NUBPL: variants seen among roughly 807,000 people sequenced by gnomAD.
NUBPL encodes iron-sulfur cluster transfer protein NUBPL.
In NUBPL, 31 loss-of-function variants were observed where a neutral mutation model predicts 45.7. That is an observed-to-expected ratio of 0.68 (90% CI 0.51 to 0.92). The LOEUF is 0.92. Among genes scored for constraint, NUBPL ranks in the 40% least tolerant of loss-of-function variants. The pLI is 0.00. For synonymous variants in NUBPL, 144 were observed against 140.9 expected, an observed-to-expected ratio of 1.02 and a Z score of -0.15; for missense variants, 401 against 398.7, an observed-to-expected ratio of 1.01 and a Z score of -0.05.
At chr14:31,613,300 G>T (rs570352450) in intron 4 of NUBPL, among the ~76,000 whole-genome samples, 21 of 152,306 alleles carry the variant, frequency 1.4e-4, no homozygotes, top group Non-Finnish European at 2.4e-4. Flanking sequence ...GGCTGGGAAG[G>T]GTAGTAGGGG....
chr14:31,711,237 A>T lies in NUBPL; in HGVS notation c.513+37663A>T, dbSNP rs374254557. ...TTGGCTCGGCCCAGAAGTACAGGAA[A>T]AGTGGAAGCTGGTTCTAGGCAAACC... On this transcript the variant is annotated intron_variant, in intron 6 of 10. Transcript: ENST00000281081. Among the ~76,000 whole-genome samples the T allele has an allele frequency of 8.5e-5, 13 of 152,260 alleles. 1 individual carries two copies. The highest frequency in any genetic ancestry group is 3.1e-4 in the African/African-American group (13 of 41,574).
Position 31,656,577 on chromosome 14 carries a change from G to GGA in NUBPL, c.383-16763_383-16762dup, listed in dbSNP as rs931833928. On this transcript the variant is annotated intron_variant, in intron 4 of 10. Transcript: ENST00000281081. ...TGTCTGAAGGAATAGGGAGGCCTGA[G>GGA]GAGAGAGAGAGAGAGATAGGGGGAT... Among the ~76,000 whole-genome samples the GGA allele has an allele frequency of 2.4e-3, 365 of 151,628 alleles. 2 individuals are homozygous for GGA. Among genetic ancestry groups the GGA allele is most frequent in the African/African-American group, 8.6e-3 (355 of 41,402 alleles).
chr14:31,749,972 A>C (rs572285728), intron 6 of NUBPL, among the ~76,000 whole-genome samples: 1 of 152,000 alleles, frequency 6.6e-6, no homozygotes, highest in African/African-American at 2.4e-5. Context: ...TCTTCTGATG[A>C]TCTATTCTAT....
At chr14:31,842,438 T>G (rs968654186) in intron 8 of NUBPL, among the ~76,000 whole-genome samples, 11 of 152,148 alleles carry the variant, frequency 7.2e-5, no homozygotes, top group African/African-American at 2.7e-4. Context: ...TATCAAAACC[T>G]CTGACTTTCA....
intron 7 of NUBPL, among the ~76,000 whole-genome samples, chr14:31,824,812 T>G (rs1380599571): frequency 6.6e-6 from 1 of 152,182 alleles, no homozygotes; most frequent in Non-Finnish European, 1.5e-5. Context: ...TTGATACCAA[T>G]TTAACAGTTT....
chr14:31,601,507 C>T (rs561888028), intron 4 of NUBPL, among the ~76,000 whole-genome samples: 2 of 152,160 alleles, frequency 1.3e-5, no homozygotes, highest in South Asian at 4.2e-4. Flanking sequence ...ATTTTATTCT[C>T]CAGAATCTAC....
At chr14:31,853,065 C>CTGTTG (rs1218449185) in intron 10 of NUBPL, among the ~76,000 whole-genome samples, 77 of 110,960 alleles carry the variant, frequency 6.9e-4, no homozygotes, top group African/African-American at 1.5e-3. Flanking sequence ...TAGACTGATA[C>CTGTTG]TGTTGTGTTG....
At chr14:31,803,046 T>C (rs957968353) in intron 7 of NUBPL, among the ~76,000 whole-genome samples, 2 of 152,250 alleles carry the variant, frequency 1.3e-5, no homozygotes, top group Non-Finnish European at 2.9e-5. Context: ...CATCAGCAGT[T>C]TACTTAATCA....
chr14:31,815,011 G>A (rs2138921942), intron 7 of NUBPL, among the ~76,000 whole-genome samples: 1 of 152,220 alleles, frequency 6.6e-6, no homozygotes, highest in East Asian at 1.9e-4. Context: ...GATTGTCTTG[G>A]CTATATGGGC....
At chr14:31,640,260 C>G (rs1439075367) in intron 4 of NUBPL, among the ~76,000 whole-genome samples, 1 of 152,110 alleles carries the variant, frequency 6.6e-6, no homozygotes, top group Non-Finnish European at 1.5e-5. Context: ...CTTTACACTA[C>G]TTTACTTCTT....
intron 4 of NUBPL, among the ~76,000 whole-genome samples, chr14:31,619,394 A>G (rs889964049): frequency 1.3e-5 from 2 of 152,148 alleles, no homozygotes; most frequent in African/African-American, 4.8e-5. Flanking sequence ...GGCCTTTACA[A>G]TTTGGCATGT....
rs1424212848 is a variant in NUBPL at position 31,756,338 on chromosome 14, A to C, written c.514-31442A>C. Among the ~76,000 whole-genome samples, 6 of 152,070 alleles carry C rather than the reference A, an allele frequency of 3.9e-5. No homozygotes were observed. The East Asian group carries it at 1.2e-3, about 29-fold the overall frequency. On this transcript the variant is annotated intron_variant, in intron 6 of 10. Coordinates refer to ENST00000281081, the MANE Select transcript of NUBPL (RefSeq NM_025152.3). The stretch of plus-strand genomic sequence containing the variant: ...TGATTCTTCCTACCCATGAGCATGG[A>C]ATGTTCTTCCATTTGTTTGTATCCT...
chr14:31,664,844 C>T (rs369779221), intron 4 of NUBPL, among the ~76,000 whole-genome samples: 7 of 152,080 alleles, frequency 4.6e-5, no homozygotes, highest in South Asian at 2.1e-4. Context: ...TGGTAGAGTT[C>T]GTCTGTGAAT....
chr14:31,613,515 G>A (rs910062300), intron 4 of NUBPL, among the ~76,000 whole-genome samples: 1 of 151,678 alleles, frequency 6.6e-6, no homozygotes, highest in Non-Finnish European at 1.5e-5. Context: ...GCAGTGGTGC[G>A]ATCTCAGGTC....
rs137938999 is a variant in NUBPL at position 31,663,973 on chromosome 14, C to T, written c.383-9382C>T. On this transcript the variant is annotated intron_variant, in intron 4 of 10. Coordinates refer to ENST00000281081, the MANE Select transcript of NUBPL (RefSeq NM_025152.3). ...TTCACGTCCCTTGTAAGTTGTATTC[C>T]TGGGTATTTTATGTTCTTTATAGCA... Among the ~76,000 whole-genome samples, 239 of 152,140 alleles carry T rather than the reference C, an allele frequency of 1.6e-3. 2 individuals carry two copies. The East Asian group carries it at 0.037, about 24-fold the overall frequency.
At chr14:31,651,780 T>C (rs1162506479) in intron 4 of NUBPL, among the ~76,000 whole-genome samples, 1 of 151,488 alleles carries the variant, frequency 6.6e-6, no homozygotes, top group Non-Finnish European at 1.5e-5. Context: ...GTGCCTATAG[T>C]CCCAGCTACT....
intron 7 of NUBPL, among the ~76,000 whole-genome samples, chr14:31,819,853 A>G (rs2039984614): frequency 6.6e-6 from 1 of 152,022 alleles, no homozygotes; most frequent in South Asian, 2.1e-4. Flanking sequence ...TGGACAGAGA[A>G]TTCTTGGCCA....
rs372965856 is a variant in NUBPL, at chr14:31,738,425, ATGACT to A, written c.514-49354_514-49350del. On this transcript the variant is annotated intron_variant, in intron 6 of 10. Transcript: ENST00000281081. ...CTGTGAACCTAGATCTCAGATACAT[ATGACT>A]GGGGACTCTTGACAGTTCCTTTTCT... 3.3e-5 allele frequency among the ~76,000 whole-genome samples: 5 copies of A among 152,302 alleles called. No homozygotes were observed. In the East Asian group the frequency reaches 9.6e-4, roughly 29 times the overall value.
chr14:31,781,421 A>G (rs935289991), intron 6 of NUBPL, among the ~76,000 whole-genome samples: 2 of 152,214 alleles, frequency 1.3e-5, no homozygotes, highest in African/African-American at 4.8e-5. Flanking sequence ...TACAGAACCA[A>G]TTTATACTGG....
Sources: allele counts gnomAD v4.1 joint callset (sites outside exome capture counted in the v4.1 genomes callset), GRCh38; gene constraint gnomAD v4.1.1; transcripts MANE v1.5; gene names NCBI Gene and HGNC (gene_info 2026-07-23, HGNC 2026-07-21).